NDRG1: variants seen among roughly 807,000 people sequenced by gnomAD.
NDRG1 encodes protein NDRG1.
In NDRG1, 32 loss-of-function variants were observed where a neutral mutation model predicts 56.9. That is an observed-to-expected ratio of 0.56 (90% CI 0.42 to 0.76). The LOEUF (loss-of-function observed/expected upper bound fraction) is 0.76, where lower values mean the gene tolerates loss of function less well. Among genes scored for constraint, NDRG1 ranks in the 30% least tolerant of loss-of-function variants. The pLI is 0.00. For synonymous variants in NDRG1, 211 were observed against 204.1 expected (o/e 1.03, Z -0.29); for missense variants, 507 against 545.7 (o/e 0.93, Z 0.71).
rs1855571921 is a variant in NDRG1, at chr8:133,244,690, A to C, written c.856-300T>G. 5 of 527,596 alleles carry C rather than the reference A, an allele frequency of 9.5e-6. 1 individual carries two copies. The East Asian group carries it at 1.7e-4, about 17-fold the overall frequency. 32.7% of individuals were successfully genotyped at this position (527,596 alleles called of 1,614,324 possible). On this transcript the variant is annotated intron_variant, in intron 13 of 15. Coordinates refer to ENST00000323851, the MANE Select transcript of NDRG1 (RefSeq NM_006096.4). Reference sequence around the variant, plus strand: ...ATGGAAGGTACAGCTGTCCCATTTTACAGGCAGAAACTGGGCCAGGAAGAG... The same window carrying C: ...ATGGAAGGTACAGCTGTCCCATTTTCCAGGCAGAAACTGGGCCAGGAAGAG...
chr8:133,258,614 G>A (rs555190430), intron 6 of NDRG1, among the ~76,000 whole-genome samples, 188 bp from the exon 7 acceptor site: 27 of 152,292 alleles, frequency 1.8e-4, no homozygotes, highest in South Asian at 6.2e-4. Flanking sequence ...TTGGAGAGCC[G>A]CGCCCCTTCT....
intron 12 of NDRG1, 71 bp downstream of exon 12, chr8:133,247,804 C>T: frequency 6.6e-7 from 1 of 1,519,560 alleles, no homozygotes; most frequent in Non-Finnish European, 9.1e-7. Context: ...GCAGGCAGGG[C>T]CACTTCAACA....
chr8:133,279,769 G>A (rs1472830367), intron 3 of NDRG1, among the ~76,000 whole-genome samples: 1 of 152,202 alleles, frequency 6.6e-6, no homozygotes, highest in Non-Finnish European at 1.5e-5. Flanking sequence ...GGACACAGCT[G>A]AGGTGCACCC....
At position 133,238,795 on chromosome 8, in the gene NDRG1, G is replaced by T; in HGVS notation, c.*83C>A. ...ATTAATACCGAGTTAGGCGCAGTAT[G>T]GCAGGCAGGGGGCGAAAAGGGGCCG... On this transcript the variant is annotated 3_prime_UTR_variant, in exon 16 of 16. Transcript: ENST00000323851. 7.0e-7 allele frequency: 1 copy of T among 1,437,444 alleles called. No homozygotes were observed. The highest frequency in any genetic ancestry group is 9.3e-7 in the Non-Finnish European group (1 of 1,072,550). The allele number at this position is 1,437,444 out of a possible 1,614,324, so 89.0% of individuals were successfully genotyped here.
intron 3 of NDRG1, among the ~76,000 whole-genome samples, chr8:133,271,681 G>C (rs962033913): frequency 6.8e-6 from 1 of 148,134 alleles, no homozygotes; most frequent in Non-Finnish European, 1.5e-5. Context: ...TAGGGAGGCT[G>C]AGGTAGGAGG....
At chr8:133,255,319 AG>A in intron 8 of NDRG1, 1 of 456,334 alleles carries the variant, frequency 2.2e-6, no homozygotes, top group South Asian at 1.5e-5. Context: ...AGGAACTTCA[AG>A]GCCACAAGGT....
intron 3 of NDRG1, 22 bp downstream of exon 3, chr8:133,280,210 G>A (rs1175358898): frequency 6.2e-7 from 1 of 1,613,564 alleles, no homozygotes; most frequent in East Asian, 2.2e-5. Context: ...GAAGGGGAAG[G>A]AAAGCCACAT....
chr8:133,274,717 A>G (rs184967885), intron 3 of NDRG1, among the ~76,000 whole-genome samples: 5 of 152,344 alleles, frequency 3.3e-5, no homozygotes, highest in Admixed American at 6.5e-5. Context: ...AAGGTGAACC[A>G]CAATCTAGTC....
Position 133,238,832 on chromosome 8 carries a change from G to A in NDRG1, c.*46C>T, listed in dbSNP as rs1452539333. ...GCGAAAAGGGGCCGGGGAGGAGGGG[G>A]CCACTACAGAGATCAGAGTCCGGGG... On this transcript the variant is annotated 3_prime_UTR_variant, in exon 16 of 16. Coordinates refer to ENST00000323851, the MANE Select transcript of NDRG1 (RefSeq NM_006096.4). The A allele has an allele frequency of 7.2e-6, 11 of 1,532,008 alleles. No homozygotes were observed. Among genetic ancestry groups the A allele is most frequent in the Non-Finnish European group, 9.6e-6 (11 of 1,142,486 alleles). 94.9% of individuals were successfully genotyped at this position (1,532,008 alleles called of 1,614,324 possible). A position where few individuals can be genotyped will look rare whatever the true frequency, so the allele number is the denominator to read the frequency against.
chr8:133,292,323 G>A (rs1858475159), intron 1 of NDRG1, among the ~76,000 whole-genome samples: 1 of 152,164 alleles, frequency 6.6e-6, no homozygotes, highest in South Asian at 2.1e-4. Flanking sequence ...GAATGGTCTT[G>A]CAGTTTCCAC....
intron 7 of NDRG1, among the ~76,000 whole-genome samples, chr8:133,257,921 G>A (rs191363914): frequency 1.5e-4 from 23 of 152,170 alleles, no homozygotes; most frequent in East Asian, 1.4e-3. Flanking sequence ...ACAATTGCTC[G>A]GTGAGGATAC....
At chr8:133,284,063 C>T (rs918486031) in intron 2 of NDRG1, among the ~76,000 whole-genome samples, 186 bp downstream of exon 2, 6 of 152,186 alleles carry the variant, frequency 3.9e-5, no homozygotes, top group Non-Finnish European at 5.9e-5. Flanking sequence ...TATGTGTGTA[C>T]GCATGTGTGT....
chr8:133,294,681 G>GGGC (rs879714914), intron 1 of NDRG1, among the ~76,000 whole-genome samples: 15 of 151,344 alleles, frequency 9.9e-5, no homozygotes, highest in African/African-American at 3.4e-4. Context: ...TGGGGGGGGG[G>GGGC]CAGCCCCATT....
intron 3 of NDRG1, among the ~76,000 whole-genome samples, chr8:133,276,091 G>A (rs12679917): frequency 0.42 from 63,676 of 151,936 alleles, 14,012 homozygotes; most frequent in South Asian, 0.64. Context: ...TAACTCAGAC[G>A]GCTCAGCCCA....
At chr8:133,264,157 T>C (rs562142458) in intron 4 of NDRG1, among the ~76,000 whole-genome samples, 1 of 152,128 alleles carries the variant, frequency 6.6e-6, no homozygotes, top group South Asian at 2.1e-4. Flanking sequence ...GGAAAGTCAA[T>C]GAAGGGTCAG....
intron 9 of NDRG1, among the ~76,000 whole-genome samples, chr8:133,252,419 T>G (rs1196634083): frequency 6.6e-6 from 1 of 152,200 alleles, no homozygotes; most frequent in Non-Finnish European, 1.5e-5. Flanking sequence ...TAAGCCATCC[T>G]GTTTGTGGTA....
At position 133,256,770 on chromosome 8, in the gene NDRG1, A is replaced by AC. The variant is rs765585732; in HGVS notation, c.537+6dup. On this transcript the variant is annotated splice_region_variant and intron_variant, in intron 8 of 15. Coordinates refer to ENST00000323851, the MANE Select transcript of NDRG1 (RefSeq NM_006096.4). ...GATCCCGCCGGCCTGACAGGCCCCC[A>AC]CCTCACCTTGGAGGCGGCCCAGTCC... is the stretch of plus-strand genomic sequence containing the variant. The AC allele has an allele frequency of 3.1e-6, 5 of 1,613,790 alleles. No homozygotes were observed. In the African/African-American group the frequency reaches 5.3e-5, roughly 17 times the overall value.
intron 1 of NDRG1, among the ~76,000 whole-genome samples, chr8:133,289,077 T>A (rs1317434764): frequency 1.3e-5 from 2 of 152,198 alleles, no homozygotes; most frequent in Non-Finnish European, 2.9e-5. Context: ...TTTAAAAATG[T>A]ATTATTCATC....
At chr8:133,273,270 A>T (rs1400925404) in intron 3 of NDRG1, among the ~76,000 whole-genome samples, 1 of 152,232 alleles carries the variant, frequency 6.6e-6, no homozygotes, top group Non-Finnish European at 1.5e-5. Flanking sequence ...CAGAAAAAGC[A>T]ATTTGAAGCC....
Sources: allele counts gnomAD v4.1 joint callset (sites outside exome capture counted in the v4.1 genomes callset), GRCh38; gene constraint gnomAD v4.1.1; transcripts MANE v1.5; gene names NCBI Gene and HGNC (gene_info 2026-07-23, HGNC 2026-07-21).